The following TBCE variants were observed in gnomAD, a reference collection of about 807,000 sequenced individuals.
TBCE encodes tubulin-specific chaperone E.
A neutral mutation model predicts 77.0 loss-of-function variants in TBCE; 53 were observed. The ratio of observed to expected loss-of-function variants is 0.69; its 90% CI spans 0.55 to 0.87. The LOEUF (loss-of-function observed/expected upper bound fraction) is 0.87. Ranked by LOEUF, TBCE falls within the 40% of genes least tolerant of loss-of-function variation. The pLI, the probability that TBCE is intolerant of heterozygous loss-of-function variation, is 0.00. For synonymous variants in TBCE, 235 were observed against 241.3 expected (o/e 0.97, Z 0.24); for missense variants, 624 against 622.4 (o/e 1.00, Z -0.03).
At chr1:235,407,170 G>T (rs1194583626) in intron 3 of TBCE, among the ~76,000 whole-genome samples, 1 of 143,524 alleles carries the variant, frequency 7.0e-6, no homozygotes, top group Non-Finnish European at 1.5e-5. Flanking sequence ...GTCTTGCTCT[G>T]TCACCCAGGT....
At position 235,419,352 on chromosome 1, in the gene TBCE, A is replaced by G. The variant is rs779132755; in HGVS notation, c.372-121A>G. On this transcript the variant is annotated intron_variant, in intron 4 of 16. Transcript: ENST00000642610. ...TTATTTCTTAATTTGGGTGGTGGTTACTGGTATTTGTATATTATTTTTGGT... is the reference window on the plus strand; with the variant it reads ...TTATTTCTTAATTTGGGTGGTGGTTGCTGGTATTTGTATATTATTTTTGGT... The G allele has an allele frequency of 1.1e-5, 15 of 1,380,952 alleles. No individual in the cohort carries two copies. The Admixed American group carries it at 1.5e-4, about 14-fold the overall frequency. 85.5% of individuals were successfully genotyped at this position (1,380,952 alleles called of 1,614,324 possible). A position where few individuals can be genotyped will look rare whatever the true frequency, so the allele number is the denominator to read the frequency against.
chr1:235,412,379 G>A (rs371020623), intron 3 of TBCE, among the ~76,000 whole-genome samples: 1 of 147,342 alleles, frequency 6.8e-6, no homozygotes, highest in Non-Finnish European at 1.5e-5. Flanking sequence ...CCAGGTACCA[G>A]CAACCATGCC....
chr1:235,367,711 C>T (rs1454267546), intron 1 of TBCE, among the ~76,000 whole-genome samples: 2 of 152,132 alleles, frequency 1.3e-5, no homozygotes, highest in African/African-American at 4.8e-5. Flanking sequence ...TAGGAGTAGC[C>T]GCACGTGATC....
intron 3 of TBCE, 58 bp downstream of exon 3, chr1:235,401,645 A>C (rs1572366284): frequency 7.2e-7 from 1 of 1,395,058 alleles, no homozygotes; most frequent in East Asian, 2.3e-5. Context: ...TTAATACTTG[A>C]ATAAGGAGGG....
At position 235,405,295 on chromosome 1, in the gene TBCE, C is replaced by T. The variant is rs375091583; in HGVS notation, c.185+3708C>T. Reference sequence around the variant, plus strand: ...TCTTCCAGAATACCTCCTGAAGGACCTGCCTGAGGGTAGTTTACAATTAAC... The same window carrying T: ...TCTTCCAGAATACCTCCTGAAGGACTTGCCTGAGGGTAGTTTACAATTAAC... On this transcript the variant is annotated intron_variant, in intron 3 of 16. Coordinates refer to ENST00000642610, the MANE Select transcript of TBCE (RefSeq NM_003193.5). Among the ~76,000 whole-genome samples the T allele has an allele frequency of 2.0e-5, 3 of 150,960 alleles. No homozygotes were observed. The South Asian group carries it at 6.3e-4, about 32-fold the overall frequency.
At chr1:235,426,393 A>G (rs1197210592) in intron 5 of TBCE, among the ~76,000 whole-genome samples, 2 of 151,862 alleles carry the variant, frequency 1.3e-5, no homozygotes, top group African/African-American at 4.8e-5. Flanking sequence ...TCCCAAGTTG[A>G]CCCCTCTTCT....
At chr1:235,388,508 C>G (rs1052998290) in intron 2 of TBCE, among the ~76,000 whole-genome samples, 2 of 151,962 alleles carry the variant, frequency 1.3e-5, no homozygotes, top group African/African-American at 4.8e-5. Flanking sequence ...AGGCTGGTCT[C>G]GAACTCCTGA....
At chr1:235,368,284 G>A (rs1172750356) in intron 1 of TBCE, among the ~76,000 whole-genome samples, 2 of 152,086 alleles carry the variant, frequency 1.3e-5, no homozygotes, top group African/African-American at 2.4e-5. Context: ...ATGATGGTGT[G>A]ACAGCCTTAT....
Position 235,450,241 on chromosome 1 carries a change from G to T in TBCE, c.*1479G>T, listed in dbSNP as rs751445150. 20 of 1,613,966 alleles carry T rather than the reference G, an allele frequency of 1.2e-5. No homozygotes were observed. The highest frequency in any genetic ancestry group is 1.7e-5 in the Non-Finnish European group (20 of 1,180,012). On this transcript the variant is annotated 3_prime_UTR_variant, in exon 17 of 17. Coordinates refer to ENST00000642610, the MANE Select transcript of TBCE (RefSeq NM_003193.5). ...TGACATCGACAAGGATCACCGCACC[G>T]TTCCTTCAGTTTCCACAGTTCCGTC... is the stretch of plus-strand genomic sequence containing the variant.
intron 3 of TBCE, among the ~76,000 whole-genome samples, chr1:235,405,529 G>A (rs1192679338): frequency 1.3e-5 from 2 of 151,702 alleles, no homozygotes; most frequent in African/African-American, 2.4e-5. Context: ...CTAGCTACTG[G>A]GAAGGTTGAG....
Position 235,448,746 on chromosome 1 carries a change from T to TATTA in TBCE, c.1569_1572dup (p.Val525IlefsTer9), listed in dbSNP as rs1459476032. 1.2e-6 allele frequency: 2 copies of TATTA among 1,613,148 alleles called. No homozygotes were observed. The highest frequency in any genetic ancestry group is 2.2e-5 in the East Asian group (1 of 44,886). On this transcript the variant is annotated frameshift_variant, in exon 17 of 17. Transcript: ENST00000642610. LOFTEE classifies it high-confidence loss of function. The stretch of plus-strand genomic sequence containing the variant: ...TATTCTGTGGAAAATGGAGATTGTC[T>TATTA]ATTAGTGCGATGGTGACAACCAACT...
At chr1:235,427,908 T>A (rs1406662380) in intron 6 of TBCE, among the ~76,000 whole-genome samples, 1 of 152,084 alleles carries the variant, frequency 6.6e-6, no homozygotes, top group Non-Finnish European at 1.5e-5. Context: ...CATGCAACTG[T>A]AGTCCCAGCT....
At chr1:235,439,065 T>C (rs2102929897) in intron 13 of TBCE, 143 bp downstream of exon 13, 4 of 1,191,186 alleles carry the variant, frequency 3.4e-6, no homozygotes, top group Non-Finnish European at 4.9e-6. Flanking sequence ...GAATGGACTA[T>C]AGGCACTTTC....
In TBCE at chr1:235,449,216, T is replaced by C; in HGVS notation, c.*454T>C. 1 of 215,946 alleles carries C rather than the reference T, an allele frequency of 4.6e-6. No individual in the cohort carries two copies. The highest frequency in any genetic ancestry group is 1.2e-4 in the East Asian group (1 of 8,332). 13.4% of individuals were successfully genotyped at this position (215,946 alleles called of 1,614,324 possible). ...TTGGGGAGACATCCTCTACTATGTA[T>C]AACAATATGCTATTATCTGTCTTCT... On this transcript the variant is annotated 3_prime_UTR_variant, in exon 17 of 17. Coordinates refer to ENST00000642610, the MANE Select transcript of TBCE (RefSeq NM_003193.5).
At chr1:235,390,863 G>A (rs370433557) in intron 2 of TBCE, among the ~76,000 whole-genome samples, 64 of 152,188 alleles carry the variant, frequency 4.2e-4, no homozygotes, top group Middle Eastern at 3.4e-3. Context: ...GATGGAAGAG[G>A]GTCATGAGCT....
intron 2 of TBCE, among the ~76,000 whole-genome samples, chr1:235,389,743 T>G (rs556648762): frequency 6.6e-6 from 1 of 152,314 alleles, no homozygotes; most frequent in South Asian, 2.1e-4. Context: ...AGAGCTGTTA[T>G]GACAACTAAA....
intron 5 of TBCE, 150 bp downstream of exon 5, chr1:235,419,711 A>G: frequency 9.0e-7 from 1 of 1,110,486 alleles, no homozygotes; most frequent in Non-Finnish European, 1.3e-6. Context: ...GGGCCCAGAT[A>G]AATTATTTAC....
At chr1:235,387,644 T>C (rs528496878) in intron 2 of TBCE, among the ~76,000 whole-genome samples, 94 of 152,272 alleles carry the variant, frequency 6.2e-4, no homozygotes, top group African/African-American at 2.0e-3. Flanking sequence ...TTTTTTAAGC[T>C]CATCAGAAAA....
intron 3 of TBCE, among the ~76,000 whole-genome samples, chr1:235,402,749 T>C (rs1227836874): frequency 1.3e-5 from 2 of 152,046 alleles, no homozygotes; most frequent in Non-Finnish European, 2.9e-5. Context: ...CTCAGTCTCC[T>C]GAGTAGCTGG....
Sources: gnomAD v4.1 joint callset for allele counts (sites outside exome capture counted in the v4.1 genomes callset) on GRCh38, gnomAD v4.1.1 for gene constraint, MANE v1.5 for transcripts, NCBI Gene and HGNC (gene_info 2026-07-23, HGNC 2026-07-21) for gene names.